Variants in NTRK3 observed in about 807,000 individuals in gnomAD.
The protein encoded by NTRK3 is NT-3 growth factor receptor.
NTRK3 carries 24 observed loss-of-function variants against 91.7 expected under a neutral mutation model. The ratio of observed to expected loss-of-function variants is 0.26; its 90% CI spans 0.19 to 0.37. The LOEUF is 0.37. Among genes scored for constraint, NTRK3 ranks in the 10% least tolerant of loss-of-function variants. NTRK3 has a pLI of 1.00. For missense variants in NTRK3, 880 were observed against 1,068.9 expected, an observed-to-expected ratio of 0.82 and a Z score of 2.46; for synonymous variants, 483 against 404.0, an observed-to-expected ratio of 1.20 and a Z score of -2.34.
chr15:87,915,982 T>G (rs1041461573), intron 17 of NTRK3, among the ~76,000 whole-genome samples: 2 of 152,180 alleles, frequency 1.3e-5, no homozygotes, highest in Admixed American at 6.5e-5. Context: ...TCAACTTTCC[T>G]ACCTCCAACT....
chr15:88,129,016 G>T (rs1871965849), intron 10 of NTRK3, among the ~76,000 whole-genome samples: 1 of 152,190 alleles, frequency 6.6e-6, no homozygotes, highest in Non-Finnish European at 1.5e-5. Context: ...ATTATGAGAT[G>T]ATAGGGAATT....
rs553851147 is a variant in NTRK3, at chr15:87,910,522, A to G, written c.2133+18669T>C. ...CATGCCGTGTTTCAGTCTCCAGTGAACTCTCCAGGGGAGGCTTACAGATTA... is the reference window on the plus strand; with the variant it reads ...CATGCCGTGTTTCAGTCTCCAGTGAGCTCTCCAGGGGAGGCTTACAGATTA... On this transcript the variant is annotated intron_variant, in intron 17 of 18. Transcript: ENST00000394480. Among the ~76,000 whole-genome samples the G allele has an allele frequency of 1.2e-4, 19 of 152,230 alleles. No individual in the cohort carries two copies. In the South Asian group the frequency reaches 2.1e-3, roughly 17 times the overall value.
At chr15:88,174,976 G>C (rs892930752) in intron 5 of NTRK3, among the ~76,000 whole-genome samples, 5 of 152,208 alleles carry the variant, frequency 3.3e-5, no homozygotes, top group African/African-American at 1.2e-4. Flanking sequence ...ATTAGAGGAG[G>C]TTCAAAACTT....
intron 13 of NTRK3, among the ~76,000 whole-genome samples, chr15:88,062,372 G>A (rs1311831454): frequency 6.6e-6 from 1 of 152,172 alleles, no homozygotes; most frequent in Non-Finnish European, 1.5e-5. Flanking sequence ...TATTAGCTGA[G>A]CACATGTCTT....
rs554128911 is a variant in NTRK3, at chr15:87,891,258, G to C, written c.2134-10830C>G. 8.0e-4 allele frequency among the ~76,000 whole-genome samples: 122 copies of C among 152,292 alleles called. No individual in the cohort carries two copies. The South Asian group carries it at 9.7e-3, about 12-fold the overall frequency. ...AGGGGCATGTAGAAAACATAGCTAT[G>C]TTTTAAAGTCATTTGTAGTAGCTCC... On this transcript the variant is annotated intron_variant, in intron 17 of 18. Transcript: ENST00000394480.
intron 14 of NTRK3, among the ~76,000 whole-genome samples, chr15:88,002,580 C>A (rs1481479571): frequency 2.7e-5 from 4 of 148,780 alleles, no homozygotes; most frequent in Non-Finnish European, 3.0e-5. Context: ...CCTGGAATGG[C>A]AAACAAAGCA....
At chr15:88,239,399 G>A (rs573622447) in intron 3 of NTRK3, among the ~76,000 whole-genome samples, 2 of 151,830 alleles carry the variant, frequency 1.3e-5, no homozygotes, top group South Asian at 4.2e-4. Context: ...TACACCTTGG[G>A]GGCAAGTGGG....
intron 5 of NTRK3, among the ~76,000 whole-genome samples, chr15:88,163,705 G>C (rs11073767): frequency 1.3e-5 from 2 of 152,122 alleles, no homozygotes; most frequent in East Asian, 3.9e-4. Flanking sequence ...CATTCTTTTT[G>C]AGATAGTTCC....
intron 6 of NTRK3, 138 bp from the exon 7 acceptor site, chr15:88,137,699 T>C (rs1156468472): frequency 2.3e-6 from 2 of 855,396 alleles, no homozygotes; most frequent in Non-Finnish European, 3.6e-6. Context: ...ACAAAAGAAG[T>C]GGAAAAATCC....
chr15:88,055,558 C>G (rs111809077), intron 13 of NTRK3, among the ~76,000 whole-genome samples: 132 of 152,294 alleles, frequency 8.7e-4, no homozygotes, highest in African/African-American at 3.1e-3. Flanking sequence ...TGGAACCAAG[C>G]ACTTTCACAT....
chr15:88,037,107 A>G (rs1236883493), intron 13 of NTRK3, among the ~76,000 whole-genome samples: 1 of 152,230 alleles, frequency 6.6e-6, no homozygotes, highest in Non-Finnish European at 1.5e-5. Flanking sequence ...ACAGGAAGGA[A>G]TAAGATCACC....
intron 13 of NTRK3, among the ~76,000 whole-genome samples, chr15:88,073,331 G>C (rs2047249940): frequency 6.6e-6 from 1 of 152,204 alleles, no homozygotes; most frequent in African/African-American, 2.4e-5. Flanking sequence ...GCCTAAAACA[G>C]TGATTCCCAT....
intron 14 of NTRK3, among the ~76,000 whole-genome samples, chr15:88,001,422 C>T (rs2076091812): frequency 6.6e-6 from 1 of 152,042 alleles, no homozygotes; most frequent in Non-Finnish European, 1.5e-5. Flanking sequence ...TAATCCAAGT[C>T]TACAGAAACT....
At chr15:87,918,471 G>C (rs79903980) in intron 17 of NTRK3, among the ~76,000 whole-genome samples, 17,273 of 152,156 alleles carry the variant, frequency 0.11, 1,094 homozygotes, top group South Asian at 0.2. Context: ...TTACCTCCAA[G>C]CTTCCTCCAT....
intron 14 of NTRK3, among the ~76,000 whole-genome samples, chr15:87,968,401 T>C (rs1216113547): frequency 1.3e-5 from 2 of 152,140 alleles, no homozygotes; most frequent in Non-Finnish European, 2.9e-5. Context: ...GGCAAAACAC[T>C]TCAAAGACTT....
intron 13 of NTRK3, among the ~76,000 whole-genome samples, chr15:88,103,489 A>G (rs1045757936): frequency 2.6e-5 from 4 of 152,178 alleles, no homozygotes; most frequent in African/African-American, 7.2e-5. Context: ...AGAGAAGAAC[A>G]TGATTTTTTC....
chr15:87,888,698 T>C (rs964758219), intron 17 of NTRK3, among the ~76,000 whole-genome samples: 10 of 152,176 alleles, frequency 6.6e-5, no homozygotes, highest in African/African-American at 2.4e-4. Context: ...GACTTTCAGT[T>C]GAACAACATT....
At chr15:87,979,575 G>A (rs773202781) in intron 14 of NTRK3, 13 of 724,444 alleles carry the variant, frequency 1.8e-5, no homozygotes, top group Non-Finnish European at 3.1e-5. Flanking sequence ...CTTGAAAGGG[G>A]AAGAACTGTC....
intron 14 of NTRK3, among the ~76,000 whole-genome samples, chr15:88,002,913 A>G (rs2076220145): frequency 1.3e-5 from 2 of 152,112 alleles, no homozygotes. Flanking sequence ...TTTGCCAGCA[A>G]GCTCAAATCA....
Sources: allele counts gnomAD v4.1 joint callset (sites outside exome capture counted in the v4.1 genomes callset), GRCh38; gene constraint gnomAD v4.1.1; transcripts MANE v1.5; gene names NCBI Gene and HGNC (gene_info 2026-07-23, HGNC 2026-07-21).